The following RNF182 variants were observed in gnomAD, a reference collection of about 807,000 sequenced individuals.
RNF182 encodes ring finger protein 182.
In RNF182, 15 loss-of-function variants were observed where a neutral mutation model predicts 14.4. That is an observed-to-expected ratio of 1.04 (90% confidence interval 0.70 to 1.60). The LOEUF (loss-of-function observed/expected upper bound fraction) is 1.60, where lower values mean the gene tolerates loss of function less well. RNF182 is among the 40% of genes most tolerant of loss of function. RNF182 has a pLI of 0.00. For synonymous variants in RNF182, 128 were observed against 122.9 expected, an observed-to-expected ratio of 1.04 and a Z score of -0.27; for missense variants, 268 against 294.8, an observed-to-expected ratio of 0.91 and a Z score of 0.67.
At position 13,976,916 on chromosome 6, in the gene RNF182, A is replaced by G. The variant is rs77796827; in HGVS notation, c.-204A>G. ...CTCTTTTCTTCTTTACAGACCCTTCATGTGGCCTTTATAAATATGCGTTTG... is the reference window on the plus strand; with the variant it reads ...CTCTTTTCTTCTTTACAGACCCTTCGTGTGGCCTTTATAAATATGCGTTTG... On this transcript the variant is annotated 5_prime_UTR_variant, in exon 3 of 3. An upstream start codon of the reference 5' UTR is lost. Coordinates refer to ENST00000488300, the MANE Select transcript of RNF182 (RefSeq NM_152737.4). 3.3e-3 allele frequency: 2,000 copies of G among 601,492 alleles called. 56 individuals are homozygous for G. In the East Asian group the frequency reaches 0.043, roughly 13 times the overall value. The allele number at this position is 601,492 out of a possible 1,614,324, so 37.3% of individuals were successfully genotyped here.
chr6:13,939,555 A>AT (rs1271861731), intron 1 of RNF182, among the ~76,000 whole-genome samples: 1 of 146,558 alleles, frequency 6.8e-6, no homozygotes, highest in Admixed American at 6.7e-5. Context: ...TTTTATTTTT[A>AT]TTTTTTGAGA....
At chr6:13,960,776 T>C (rs1485947808) in intron 1 of RNF182, among the ~76,000 whole-genome samples, 1 of 152,192 alleles carries the variant, frequency 6.6e-6, no homozygotes, top group African/African-American at 2.4e-5. Context: ...AGTTTGAAAT[T>C]GTAGAAATGG....
intron 1 of RNF182, among the ~76,000 whole-genome samples, chr6:13,932,070 G>A (rs1020994716): frequency 3.3e-5 from 5 of 152,144 alleles, no homozygotes; most frequent in Non-Finnish European, 7.3e-5. Flanking sequence ...CCAGAACAGT[G>A]ATGAAGAAAT....
chr6:13,976,512 A>G (rs1561790087), intron 2 of RNF182, among the ~76,000 whole-genome samples: 1 of 152,192 alleles, frequency 6.6e-6, no homozygotes, highest in Non-Finnish European at 1.5e-5. Context: ...GACACCTGGT[A>G]TTTACACCAA....
intron 1 of RNF182, among the ~76,000 whole-genome samples, chr6:13,931,866 T>C (rs1343669808): frequency 1.3e-5 from 2 of 152,084 alleles, no homozygotes; most frequent in Non-Finnish European, 2.9e-5. Context: ...GGTAGGGCCT[T>C]TGGGAGGTGA....
At chr6:13,940,309 T>A (rs538718405) in intron 1 of RNF182, among the ~76,000 whole-genome samples, 31 of 152,300 alleles carry the variant, frequency 2.0e-4, no homozygotes, top group African/African-American at 7.0e-4. Context: ...AATCACATTT[T>A]AAAAAAATGT....
At chr6:13,963,513 G>A (rs1369647011) in intron 1 of RNF182, among the ~76,000 whole-genome samples, 1 of 152,136 alleles carries the variant, frequency 6.6e-6, no homozygotes, top group Non-Finnish European at 1.5e-5. Context: ...TTCTTTCATG[G>A]TGCTACTCAT....
intron 1 of RNF182, among the ~76,000 whole-genome samples, chr6:13,971,931 A>AT (rs1156959258): frequency 6.6e-6 from 1 of 152,222 alleles, no homozygotes; most frequent in Non-Finnish European, 1.5e-5. Context: ...TCAAGATGTG[A>AT]TTTGGGTGCT....
chr6:13,926,368 C>G (rs914179698), intron 1 of RNF182, among the ~76,000 whole-genome samples: 9 of 152,198 alleles, frequency 5.9e-5, no homozygotes, highest in African/African-American at 1.9e-4. Flanking sequence ...CCTCTTCCCT[C>G]TTTTGGGATT....
chr6:13,941,916 C>T (rs1345953680), intron 1 of RNF182, among the ~76,000 whole-genome samples: 1 of 152,026 alleles, frequency 6.6e-6, no homozygotes, highest in African/African-American at 2.4e-5. Flanking sequence ...TAGTATTTAT[C>T]TATATTTATC....
intron 1 of RNF182, among the ~76,000 whole-genome samples, chr6:13,954,378 G>T (rs576957577): frequency 6.6e-6 from 1 of 152,300 alleles, no homozygotes; most frequent in Admixed American, 6.5e-5. Flanking sequence ...GTTAGAATTA[G>T]AATCCAAACA....
chr6:13,951,047 T>C (rs1037202162), intron 1 of RNF182, among the ~76,000 whole-genome samples: 1 of 152,168 alleles, frequency 6.6e-6, no homozygotes, highest in Non-Finnish European at 1.5e-5. Context: ...TCTGCCCACC[T>C]CAGCCTTCCA....
chr6:13,937,184 A>G (rs280148), intron 1 of RNF182, among the ~76,000 whole-genome samples: 51,111 of 152,144 alleles, frequency 0.34, 10,748 homozygotes, highest in Admixed American at 0.49. Context: ...GAAGGTTAAC[A>G]TACATATAGA....
intron 1 of RNF182, among the ~76,000 whole-genome samples, chr6:13,925,568 G>A (rs1356419055): frequency 1.3e-5 from 2 of 151,960 alleles, no homozygotes; most frequent in African/African-American, 4.8e-5. Context: ...TTTTTCTTTG[G>A]AAGGTGCAGT....
At chr6:13,965,072 G>T (rs944185644) in intron 1 of RNF182, among the ~76,000 whole-genome samples, 2 of 152,226 alleles carry the variant, frequency 1.3e-5, no homozygotes, top group African/African-American at 4.8e-5. Context: ...AACTCACGCT[G>T]AATGTGATGG....
At chr6:13,957,680 GATA>G (rs1358647113) in intron 1 of RNF182, among the ~76,000 whole-genome samples, 1 of 152,066 alleles carries the variant, frequency 6.6e-6, no homozygotes, top group Non-Finnish European at 1.5e-5. Flanking sequence ...TTTATTTTAG[GATA>G]ATATTATAAA....
At chr6:13,924,903 G>GCCGC (rs35739242), upstream of RNF182, 43,149 of 146,774 alleles carry the variant, frequency 0.29, 7,114 homozygotes, top group East Asian at 0.62. Flanking sequence ...TAGAGACAAA[G>GCCGC]CCGCCCGCCC....
intron 1 of RNF182, among the ~76,000 whole-genome samples, chr6:13,971,084 A>G (rs549065944): frequency 3.2e-4 from 49 of 152,136 alleles, no homozygotes; most frequent in Non-Finnish European, 6.0e-4. Context: ...GTCTGCTTGG[A>G]CACTGTTTTT....
intron 2 of RNF182, among the ~76,000 whole-genome samples, chr6:13,975,654 T>C (rs1057277822): frequency 2.0e-5 from 3 of 152,200 alleles, no homozygotes; most frequent in Non-Finnish European, 2.9e-5. Context: ...TTCATGATTT[T>C]TAAAGTTATC....
Sources: gnomAD v4.1 joint callset for allele counts (sites outside exome capture counted in the v4.1 genomes callset) on GRCh38, gnomAD v4.1.1 for gene constraint, MANE v1.5 for transcripts, NCBI Gene and HGNC (gene_info 2026-07-23, HGNC 2026-07-21) for gene names.